Variants in FHIP1A observed in about 807,000 individuals in gnomAD.
FHIP1A encodes FHF complex subunit HOOK-interacting protein 1A.
FHIP1A carries 61 observed loss-of-function variants against 88.6 expected under a neutral mutation model. That is an observed-to-expected ratio of 0.69 (90% confidence interval 0.56 to 0.85). The LOEUF is 0.85. FHIP1A is among the 40% of genes least tolerant of loss of function. The pLI is 0.00. For missense variants in FHIP1A, 1,154 were observed against 1,273.5 expected (o/e 0.91, Z 1.43); for synonymous variants, 478 against 496.0 (o/e 0.96, Z 0.48).
At chr4:151,658,862 C>T (rs1337314693) in intron 13 of FHIP1A, among the ~76,000 whole-genome samples, 1 of 152,116 alleles carries the variant, frequency 6.6e-6, no homozygotes, top group Non-Finnish European at 1.5e-5. Flanking sequence ...AATTAGAGGT[C>T]CAGGGTATTC....
intron 1 of FHIP1A, among the ~76,000 whole-genome samples, chr4:151,426,831 C>T (rs1397189365): frequency 6.6e-6 from 1 of 152,070 alleles, no homozygotes; most frequent in Non-Finnish European, 1.5e-5. Flanking sequence ...ATTTTAATTC[C>T]TAAACCTAAA....
intron 9 of FHIP1A, among the ~76,000 whole-genome samples, chr4:151,644,210 A>G (rs1736700215): frequency 1.3e-5 from 2 of 152,172 alleles, no homozygotes; most frequent in Admixed American, 1.3e-4. Flanking sequence ...GTTCACATCA[A>G]TGGCTACAGG....
chr4:151,613,073 A>T (rs977697797), intron 7 of FHIP1A, among the ~76,000 whole-genome samples: 10 of 152,332 alleles, frequency 6.6e-5, no homozygotes, highest in African/African-American at 2.2e-4. Flanking sequence ...TGATTCTAAC[A>T]TAGAACCAGG....
In FHIP1A at chr4:151,523,965, T is replaced by C. The variant is rs1464700088; in HGVS notation, c.-123+41317T>C. 2.0e-5 allele frequency among the ~76,000 whole-genome samples: 3 copies of C among 152,214 alleles called. No individual in the cohort carries two copies. The East Asian group carries it at 5.8e-4, about 29-fold the overall frequency. ...CCATCCAAGCCAACAGCAATGTCTT[T>C]CTGGCTATTTTTTTACTCAGTTGAT... is the stretch of plus-strand genomic sequence containing the variant. On this transcript the variant is annotated intron_variant, in intron 3 of 13. Coordinates refer to ENST00000435205, the MANE Select transcript of FHIP1A (RefSeq NM_001109977.3).
At chr4:151,478,658 T>C (rs1455576369) in intron 2 of FHIP1A, among the ~76,000 whole-genome samples, 1 of 152,172 alleles carries the variant, frequency 6.6e-6, no homozygotes, top group Non-Finnish European at 1.5e-5. Context: ...AGACTTCTTT[T>C]CTACAAGGCC....
rs540723473 is a variant in FHIP1A at position 151,541,513 on chromosome 4, G to C, written c.-122-24625G>C. 3.9e-5 allele frequency among the ~76,000 whole-genome samples: 6 copies of C among 152,298 alleles called. No individual in the cohort carries two copies. The South Asian group carries it at 1.2e-3, about 32-fold the overall frequency. On this transcript the variant is annotated intron_variant, in intron 3 of 13. Transcript: ENST00000435205. ...TATTCATTAAGCTCCTGCATGCCAAGTACTGCTGGGTTTCGTCCCTTTTAA... is the reference window on the plus strand; with the variant it reads ...TATTCATTAAGCTCCTGCATGCCAACTACTGCTGGGTTTCGTCCCTTTTAA...
chr4:151,576,532 A>G (rs1733797818), intron 4 of FHIP1A, among the ~76,000 whole-genome samples: 1 of 152,114 alleles, frequency 6.6e-6, no homozygotes, highest in African/African-American at 2.4e-5. Flanking sequence ...TTGAAGTCCT[A>G]GGCTCAAGTG....
At chr4:151,532,309 A>G (rs1166744740) in intron 3 of FHIP1A, among the ~76,000 whole-genome samples, 5 of 152,228 alleles carry the variant, frequency 3.3e-5, no homozygotes, top group Admixed American at 3.3e-4. Flanking sequence ...GATCCTTTGT[A>G]CATTAAGTGG....
chr4:151,640,941 G>A (rs1180627628), intron 9 of FHIP1A, among the ~76,000 whole-genome samples: 1 of 152,112 alleles, frequency 6.6e-6, no homozygotes, highest in Non-Finnish European at 1.5e-5. Flanking sequence ...TCAGCTCATG[G>A]TTGAAATACA....
At chr4:151,519,039 A>G (rs915085091) in intron 3 of FHIP1A, among the ~76,000 whole-genome samples, 11 of 152,270 alleles carry the variant, frequency 7.2e-5, no homozygotes, top group African/African-American at 1.9e-4. Context: ...CAGCATATCT[A>G]TCATTAACAT....
intron 7 of FHIP1A, among the ~76,000 whole-genome samples, chr4:151,614,760 C>T (rs1360319628): frequency 1.3e-5 from 2 of 152,090 alleles, no homozygotes; most frequent in Non-Finnish European, 2.9e-5. Flanking sequence ...TTGCCAGGAG[C>T]GGTAAGGGCC....
rs2126924647 is a variant in FHIP1A, at chr4:151,656,867, G to A, written c.2838G>A (p.Met946Ile). Residue 946 changes from methionine to isoleucine, a missense_variant, in exon 13 of 14, where the codon ATG (methionine) becomes ATA (isoleucine). Physicochemically the swap from Met to Ile is conservative, Grantham distance 10 (BLOSUM62 1). Coordinates refer to ENST00000435205, the MANE Select transcript of FHIP1A (RefSeq NM_001109977.3). This position sits in a 1 kb window ranked among gnomAD's most constrained non-coding sequence, Gnocchi z 4.2. ...AQQYLLFRVD[M>I]SDMTPAALTK... ...AGTACCTGCTCTTCCGTGTGGACATGTCTGATATGACCCCTGCAGCACTAA... is the reference window on the plus strand; with the variant it reads ...AGTACCTGCTCTTCCGTGTGGACATATCTGATATGACCCCTGCAGCACTAA... The A allele has an allele frequency of 6.4e-7, 1 of 1,551,680 alleles. No individual in the cohort carries two copies. Among genetic ancestry groups the A allele is most frequent in the Non-Finnish European group, 8.7e-7 (1 of 1,146,978 alleles).
rs1737579332 is a variant in FHIP1A at position 151,664,201 on chromosome 4, A to C, written c.*1447A>C. Among the ~76,000 whole-genome samples, 1 of 152,134 alleles carries C rather than the reference A, an allele frequency of 6.6e-6. No homozygotes were observed. The highest frequency in any genetic ancestry group is 1.5e-5 in the Non-Finnish European group (1 of 68,022). ...CTGTTCTTTGTGGGCATCTCTGTGGAGCCCTGAGGGCAGCCACAGGTCTGG... is the reference window on the plus strand; with the variant it reads ...CTGTTCTTTGTGGGCATCTCTGTGGCGCCCTGAGGGCAGCCACAGGTCTGG... On this transcript the variant is annotated 3_prime_UTR_variant, in exon 14 of 14. Coordinates refer to ENST00000435205, the MANE Select transcript of FHIP1A (RefSeq NM_001109977.3).
intron 7 of FHIP1A, among the ~76,000 whole-genome samples, chr4:151,614,965 TG>T (rs1735465198): frequency 6.6e-6 from 1 of 152,114 alleles, no homozygotes; most frequent in Non-Finnish European, 1.5e-5. Context: ...AGGAGTAGGG[TG>T]CTCTGTGAGT....
rs138165774 is a variant in FHIP1A at position 151,581,791 on chromosome 4, TGTCAAAGTGTGTTA to T, written c.732+3717_732+3730del. ...AAAAGGTTTCTCTAATTAGTATGAT[TGTCAAAGTGTGTTA>T]GCATCAGGCTGTTGGAACAGTAATG... On this transcript the variant is annotated intron_variant, in intron 5 of 13. Coordinates refer to ENST00000435205, the MANE Select transcript of FHIP1A (RefSeq NM_001109977.3). 6.3e-3 allele frequency among the ~76,000 whole-genome samples: 965 copies of T among 152,340 alleles called. 3 individuals are homozygous for T. Among genetic ancestry groups the T allele is most frequent in the Non-Finnish European group, 0.01 (698 of 68,032 alleles).
chr4:151,412,574 CTTT>C lies in FHIP1A; in HGVS notation c.-356+3110_-356+3112del, dbSNP rs1561483951. On this transcript the variant is annotated intron_variant, in intron 1 of 13. Transcript: ENST00000435205. Reference sequence around the variant, plus strand: ...TTTCTTTTTCTTTCTTTCTTTCTTTCTTTCCTTTCTTTCCTTCCTTCCTTCCTT... The same window carrying C: ...TTTCTTTTTCTTTCTTTCTTTCTTTCCCTTTCTTTCCTTCCTTCCTTCCTT... 1.0e-3 allele frequency among the ~76,000 whole-genome samples: 145 copies of C among 140,724 alleles called. 2 individuals are homozygous for C. In the East Asian group the frequency reaches 0.019, roughly 18 times the overall value. The allele number at this position is 140,724 out of a possible 152,430, so 92.3% of individuals were successfully genotyped here.
intron 3 of FHIP1A, among the ~76,000 whole-genome samples, chr4:151,490,261 C>G (rs1730235006): frequency 6.6e-6 from 1 of 152,208 alleles, no homozygotes; most frequent in Non-Finnish European, 1.5e-5. Flanking sequence ...CCACTTTACT[C>G]CCCTCCCACT....
intron 7 of FHIP1A, among the ~76,000 whole-genome samples, chr4:151,592,423 C>T (rs1048138120): frequency 3.3e-5 from 5 of 152,182 alleles, no homozygotes; most frequent in South Asian, 2.1e-4. Context: ...CGTGAGCCAC[C>T]GCGCCCGGCT....
intron 2 of FHIP1A, among the ~76,000 whole-genome samples, chr4:151,482,195 T>C (rs935062172): frequency 6.6e-6 from 1 of 152,154 alleles, no homozygotes; most frequent in African/African-American, 2.4e-5. Flanking sequence ...AATATGATAC[T>C]GTTGACCCAT....
Sources: gnomAD v4.1 joint callset for allele counts (sites outside exome capture counted in the v4.1 genomes callset) on GRCh38, gnomAD v4.1.1 for gene constraint, Gnocchi (gnomAD v3.1) non-coding constraint, MANE v1.5 for transcripts, NCBI Gene and HGNC (gene_info 2026-07-23, HGNC 2026-07-21) for gene names.